Variants in MYO1H observed in about 807,000 individuals in gnomAD.
The protein encoded by MYO1H is unconventional myosin-Ih.
A neutral mutation model predicts 149.3 loss-of-function variants in MYO1H; 118 were observed. The ratio of observed to expected loss-of-function variants is 0.79; its 90% confidence interval spans 0.68 to 0.92. MYO1H has a LOEUF of 0.92. MYO1H is among the 40% of genes least tolerant of loss of function. The pLI is 0.00. For missense variants in MYO1H, 1,212 were observed against 1,280.7 expected (o/e 0.95, Z 0.82); for synonymous variants, 447 against 465.2 (o/e 0.96, Z 0.50).
intron 7 of MYO1H, 52 bp from the exon 8 acceptor site, chr12:109,405,870 T>G: frequency 1.5e-6 from 2 of 1,339,326 alleles, no homozygotes; most frequent in Non-Finnish European, 2.1e-6. Flanking sequence ...GCGGCCACCG[T>G]TCTCTTTCCC....
At chr12:109,314,099 G>T in the MYO1H span, among the ~76,000 whole-genome samples, 2 of 151,958 alleles carry the variant, frequency 1.3e-5, no homozygotes, top group Non-Finnish European at 2.9e-5. Flanking sequence ...TGCCTAGACT[G>T]GTCTAGAACT....
At chr12:109,395,735 A>C (rs74457955) in intron 3 of MYO1H, among the ~76,000 whole-genome samples, 2 of 49,890 alleles carry the variant, frequency 4.0e-5, no homozygotes, top group African/African-American at 1.4e-4. Flanking sequence ...ACTCCATCTC[A>C]AAAAAAAAAA....
At chr12:109,318,982 T>TTTTTTTGTTTTTTTTGTTTTTTTTG in the MYO1H span, among the ~76,000 whole-genome samples, 3 of 144,912 alleles carry the variant, frequency 2.1e-5, no homozygotes, top group African/African-American at 7.8e-5. Context: ...GTTTTTTTTT[T>TTTTTTTGTTTTTTTTGTTTTTTTTG]TTTTTTTTTT....
chr12:109,357,445 T>A (rs928917709), intron 1 of MYO1H, among the ~76,000 whole-genome samples: 2 of 152,310 alleles, frequency 1.3e-5, no homozygotes, highest in African/African-American at 4.8e-5. Flanking sequence ...AAGAAGGATG[T>A]GTGCTAAACG....
intron 19 of MYO1H, among the ~76,000 whole-genome samples, chr12:109,431,510 T>C (rs1871616692): frequency 6.6e-6 from 1 of 152,196 alleles, no homozygotes. Flanking sequence ...TTAAACCTCA[T>C]GAGAACCCCA....
the MYO1H span, among the ~76,000 whole-genome samples, chr12:109,317,361 C>G: frequency 1.3e-5 from 2 of 152,154 alleles, no homozygotes; most frequent in East Asian, 3.9e-4. Context: ...TCTCATTACC[C>G]AATTGTTCAC....
chr12:109,393,333 A>G (rs1193989859), exon 3 of MYO1H: 1 of 1,565,848 alleles, frequency 6.4e-7, no homozygotes, highest in Non-Finnish European at 8.7e-7. Context: ...TTCTCTAGAC[A>G]TATATTGGCA....
intron 1 of MYO1H, among the ~76,000 whole-genome samples, chr12:109,359,690 G>C (rs189969106): frequency 6.6e-6 from 1 of 152,186 alleles, no homozygotes; most frequent in Non-Finnish European, 1.5e-5. Flanking sequence ...GGATTGTAGC[G>C]CATTAAAATG....
intron 1 of MYO1H, among the ~76,000 whole-genome samples, chr12:109,371,999 G>A (rs959026311): frequency 3.3e-5 from 5 of 152,128 alleles, no homozygotes; most frequent in Admixed American, 6.5e-5. Flanking sequence ...TTTGTGTGGG[G>A]TGTTGGACTT....
intron 30 of MYO1H, 183 bp from the exon 31 acceptor site, chr12:109,445,330 G>C (rs965240185): frequency 1.8e-6 from 1 of 554,482 alleles, no homozygotes; most frequent in African/African-American, 1.9e-5. Flanking sequence ...ACAGAAACAT[G>C]TAAGTTGCCC....
At chr12:109,416,392 T>C (rs1341264455) in intron 15 of MYO1H, among the ~76,000 whole-genome samples, 1 of 151,060 alleles carries the variant, frequency 6.6e-6, no homozygotes, top group Non-Finnish European at 1.5e-5. Flanking sequence ...TTTTTTTTTT[T>C]GACATTTTTT....
chr12:109,380,923 G>A (rs1239246295), intron 1 of MYO1H, among the ~76,000 whole-genome samples: 1 of 152,180 alleles, frequency 6.6e-6, no homozygotes, highest in Non-Finnish European at 1.5e-5. Context: ...TCCAGCCTGG[G>A]CAACAGAGCG....
chr12:109,357,835 A>G (rs1261157591), intron 1 of MYO1H, among the ~76,000 whole-genome samples: 2 of 145,558 alleles, frequency 1.4e-5, no homozygotes, highest in Non-Finnish European at 3.0e-5. Flanking sequence ...ATGAAATACT[A>G]TTCTCTTGAT....
chr12:109,323,993 A>G, the MYO1H span, among the ~76,000 whole-genome samples: 1 of 147,048 alleles, frequency 6.8e-6, no homozygotes, highest in Admixed American at 7.0e-5. Flanking sequence ...TCTGGGAAAC[A>G]TAGTGAGACC....
chr12:109,403,865 T>C, intron 6 of MYO1H, 117 bp from the exon 7 acceptor site: 1 of 619,850 alleles, frequency 1.6e-6, no homozygotes, highest in Non-Finnish European at 2.8e-6. Flanking sequence ...AAACCTATTT[T>C]TGATTCGCAA....
chr12:109,436,421 G>A lies in MYO1H; in HGVS notation c.2141-67G>A, dbSNP rs78412237. ...CTTCCATCGGCCCCCAAACACCCCTGGAGATCACAACCACAAAGATGCGCA... is the reference window on the plus strand; with the variant it reads ...CTTCCATCGGCCCCCAAACACCCCTAGAGATCACAACCACAAAGATGCGCA... On this transcript the variant is annotated intron_variant, in intron 21 of 31. Transcript: ENST00000310903. 6,254 of 1,155,270 alleles carry A rather than the reference G, an allele frequency of 5.4e-3. 209 individuals are homozygous for A. The African/African-American group carries it at 0.081, about 15-fold the overall frequency. 71.6% of individuals were successfully genotyped at this position (1,155,270 alleles called of 1,614,324 possible). A position where few individuals can be genotyped will look rare whatever the true frequency, so the allele number is the denominator to read the frequency against.
chr12:109,436,514 C>G lies in MYO1H; in HGVS notation c.2167C>G (p.Arg723Gly), dbSNP rs199861949. ...TGCAAGAATCCAAGCCACTTACAAACGCTGCCTAGGAAGGAGAGAATACGT... is the reference window on the plus strand; with the variant it reads ...TGCAAGAATCCAAGCCACTTACAAAGGCTGCCTAGGAAGGAGAGAATACGT... The change falls in exon 22 of 32, where the codon CGC becomes GGC. Residue 723 changes from arginine to glycine, a missense_variant. Arg to Gly is a moderately radical substitution (Grantham distance 125). Coordinates refer to ENST00000310903, the Ensembl canonical transcript of MYO1H. 6 of 1,611,106 alleles carry G rather than the reference C, an allele frequency of 3.7e-6. No homozygotes were observed. The African/African-American group carries it at 8.0e-5, about 22-fold the overall frequency.
rs200800443 is a variant in MYO1H, at chr12:109,442,219, G to T, written c.2635G>T (p.Glu879Ter). Residue 879 changes from glutamate to a stop codon, truncating the protein, a stop_gained and splice_region_variant, in exon 27 of 32, where the codon GAA becomes TAA. Transcript: ENST00000310903. LOFTEE classifies it high-confidence loss of function. ...TGGCCTTCTGGTTCCCTCTCTAGAT[G>T]AAGGAGACATTAATCCGAAAGTGCT... 1.4e-5 allele frequency: 23 copies of T among 1,613,446 alleles called. No homozygotes were observed. Among genetic ancestry groups the T allele is most frequent in the Non-Finnish European group, 1.9e-5 (23 of 1,179,512 alleles).
At chr12:109,393,262 G>A in intron 2 of MYO1H, 69 bp from the exon 3 acceptor site, 1 of 914,468 alleles carries the variant, frequency 1.1e-6, no homozygotes, top group South Asian at 1.4e-5. Context: ...TGAACACATG[G>A]GGATCATCAT....
Sources: gnomAD v4.1 joint callset for allele counts (sites outside exome capture counted in the v4.1 genomes callset) on GRCh38, gnomAD v4.1.1 for gene constraint, MANE v1.5 for transcripts, NCBI Gene and HGNC (gene_info 2026-07-23, HGNC 2026-07-21) for gene names.